ARID4B: variants seen among roughly 807,000 people sequenced by gnomAD.
ARID4B encodes AT-rich interactive domain-containing protein 4B.
ARID4B carries 26 observed loss-of-function variants against 147.5 expected under a neutral mutation model. The ratio of observed to expected loss-of-function variants is 0.18; its 90% CI spans 0.13 to 0.24. ARID4B has a LOEUF of 0.24. Ranked by LOEUF, ARID4B falls within the 10% of genes least tolerant of loss-of-function variation. The pLI, the probability that ARID4B is intolerant of heterozygous loss-of-function variation, is 1.00. For synonymous variants in ARID4B, 512 were observed against 507.9 expected (o/e 1.01, Z -0.11); for missense variants, 1,179 against 1,511.5 (o/e 0.78, Z 3.65).
At chr1:235,252,049 G>A (rs1669678986) in intron 6 of ARID4B, among the ~76,000 whole-genome samples, 1 of 152,120 alleles carries the variant, frequency 6.6e-6, no homozygotes, top group Non-Finnish European at 1.5e-5. Flanking sequence ...AAAGCACTTA[G>A]CAAAATCCCT....
chr1:235,249,559 G>T (rs1669509393), intron 6 of ARID4B, among the ~76,000 whole-genome samples: 1 of 152,052 alleles, frequency 6.6e-6, no homozygotes, highest in African/African-American at 2.4e-5. Flanking sequence ...ACTTTGGGAG[G>T]CCAAGGCAGG....
At chr1:235,173,049 T>G (rs1051535135) in intron 22 of ARID4B, among the ~76,000 whole-genome samples, 3 of 151,936 alleles carry the variant, frequency 2.0e-5, no homozygotes, top group African/African-American at 7.3e-5. Context: ...AAATCACACT[T>G]AAAAATAAAA....
chr1:235,168,741 C>T (rs1198055179), intron 23 of ARID4B, 89 bp from the exon 24 acceptor site: 13 of 1,376,654 alleles, frequency 9.4e-6, no homozygotes, highest in Non-Finnish European at 1.3e-5. Flanking sequence ...ACTAAAATTC[C>T]GCTATATTGT....
Position 235,182,670 on chromosome 1 carries a change from G to A in ARID4B, c.2249C>T (p.Ser750Leu). 6.2e-7 allele frequency: 1 copy of A among 1,613,688 alleles called. No individual in the cohort carries two copies. Among genetic ancestry groups the A allele is most frequent in the Non-Finnish European group, 8.5e-7 (1 of 1,180,004 alleles). Residue 750 changes from serine to leucine, a missense_variant, in exon 20 of 24, where the codon TCA (serine) becomes TTA (leucine). By Grantham distance (145) the Ser-to-Leu change is moderately radical (BLOSUM62 -2). Coordinates refer to ENST00000264183, the MANE Select transcript of ARID4B (RefSeq NM_016374.6). ...AGATGAACTGTTCTGTTCCTCCTTT[G>A]AAATAAGATCATTTCTGTTGTTGGT... ...HLTNNRNDLI[S>L]KEEQNSSSLL...
intron 19 of ARID4B, among the ~76,000 whole-genome samples, chr1:235,193,751 C>T (rs1255263058): frequency 3.3e-5 from 5 of 152,054 alleles, no homozygotes; most frequent in East Asian, 1.9e-4. Context: ...TGAAAGGTAA[C>T]GCTCACTGGA....
At chr1:235,172,405 T>TG (rs1268760436) in intron 23 of ARID4B, among the ~76,000 whole-genome samples, 1 of 152,048 alleles carries the variant, frequency 6.6e-6, no homozygotes, top group Non-Finnish European at 1.5e-5. Context: ...GGCGAAACCC[T>TG]GTCTCTACCT....
intron 2 of ARID4B, among the ~76,000 whole-genome samples, chr1:235,300,360 T>C (rs60623887): frequency 6.6e-6 from 1 of 151,258 alleles, no homozygotes; most frequent in African/African-American, 2.4e-5. Context: ...GAGGTTGTAG[T>C]GAGCCGAGAT....
At chr1:235,311,534 G>A (rs970236993) in intron 2 of ARID4B, among the ~76,000 whole-genome samples, 4 of 152,064 alleles carry the variant, frequency 2.6e-5, no homozygotes, top group African/African-American at 4.8e-5. Flanking sequence ...TGTACTTTGG[G>A]AGGTCGAGGC....
chr1:235,323,878 T>C (rs1174325005), intron 2 of ARID4B, among the ~76,000 whole-genome samples: 2 of 151,964 alleles, frequency 1.3e-5, no homozygotes, highest in Non-Finnish European at 2.9e-5. Context: ...TATAATGTGG[T>C]ACTGCTGATT....
chr1:235,287,558 A>T (rs1672066404), intron 2 of ARID4B, among the ~76,000 whole-genome samples: 1 of 152,216 alleles, frequency 6.6e-6, no homozygotes, highest in African/African-American at 2.4e-5. Flanking sequence ...AAAGTAATAA[A>T]CATGCATCAC....
rs1667466389 is a variant in ARID4B, at chr1:235,221,509, A to G, written c.1163+56T>C. On this transcript the variant is annotated intron_variant, in intron 14 of 23. Coordinates refer to ENST00000264183, the MANE Select transcript of ARID4B (RefSeq NM_016374.6). ...TAACCTCAGTTATAAGGTAAATTTCATCCTGCTTTCTAGGTAAAAATACTG... is the reference window on the plus strand; with the variant it reads ...TAACCTCAGTTATAAGGTAAATTTCGTCCTGCTTTCTAGGTAAAAATACTG... 4.0e-6 allele frequency: 4 copies of G among 1,009,004 alleles called. No homozygotes were observed. The East Asian group carries it at 7.3e-5, about 18-fold the overall frequency. The allele number at this position is 1,009,004 out of a possible 1,614,324, so 62.5% of individuals were successfully genotyped here.
chr1:235,236,854 ATATATATATTTTTTTTT>A (rs1294788078), intron 8 of ARID4B, among the ~76,000 whole-genome samples: 10 of 38,016 alleles, frequency 2.6e-4, no homozygotes, highest in African/African-American at 8.4e-4. Context: ...ATATATATAT[ATATATATATTTTTTTTT>A]TTTTTTTTTT....
At chr1:235,196,489 AT>A (rs2102966141) in intron 17 of ARID4B, among the ~76,000 whole-genome samples, 1 of 152,256 alleles carries the variant, frequency 6.6e-6, no homozygotes. Flanking sequence ...CAGGTAGGCA[AT>A]TTTTCTCTAG....
intron 2 of ARID4B, among the ~76,000 whole-genome samples, chr1:235,307,248 A>C (rs1673637767): frequency 6.6e-6 from 1 of 152,178 alleles, no homozygotes; most frequent in African/African-American, 2.4e-5. Context: ...GTTCAAGACC[A>C]ACCTGGGAAA....
At chr1:235,305,178 T>C (rs1443492155) in intron 2 of ARID4B, among the ~76,000 whole-genome samples, 1 of 152,156 alleles carries the variant, frequency 6.6e-6, no homozygotes, top group Non-Finnish European at 1.5e-5. Flanking sequence ...AGAGACAGAT[T>C]TGAAGACACC....
At chr1:235,215,497 TAA>T (rs928021915) in intron 16 of ARID4B, among the ~76,000 whole-genome samples, 3 of 150,404 alleles carry the variant, frequency 2.0e-5, no homozygotes, top group Non-Finnish European at 4.4e-5. Flanking sequence ...TATTATATAT[TAA>T]GAGTAATGAT....
chr1:235,189,887 A>C (rs1664972262), intron 19 of ARID4B: 1 of 153,760 alleles, frequency 6.5e-6, no homozygotes, highest in Non-Finnish European at 1.5e-5. Flanking sequence ...AAATAGTAAC[A>C]ATGAACAAAA....
intron 2 of ARID4B, among the ~76,000 whole-genome samples, chr1:235,302,429 A>C (rs1319795845): frequency 6.6e-6 from 1 of 152,156 alleles, no homozygotes; most frequent in Non-Finnish European, 1.5e-5. Context: ...AATATACACC[A>C]GATTTCAAAG....
intron 11 of ARID4B, among the ~76,000 whole-genome samples, chr1:235,225,074 T>TTTTG (rs1476754922): frequency 2.2e-5 from 1 of 44,740 alleles, no homozygotes; most frequent in African/African-American, 7.8e-5. Context: ...TTTTGTTTTG[T>TTTTG]TTTTTTTACC....
Sources: allele counts gnomAD v4.1 joint callset (sites outside exome capture counted in the v4.1 genomes callset), GRCh38; gene constraint gnomAD v4.1.1; transcripts MANE v1.5; gene names NCBI Gene and HGNC (gene_info 2026-07-23, HGNC 2026-07-21).